RAB36: variants seen among roughly 807,000 people sequenced by gnomAD.
The protein encoded by RAB36 is ras-related protein Rab-36.
Under a neutral mutation model 39.3 loss-of-function variants are expected in RAB36, and 33 were observed. The observed-to-expected ratio is 0.84, with a 90% CI of 0.64 to 1.12. The LOEUF (loss-of-function observed/expected upper bound fraction) is 1.12, where lower values mean the gene tolerates loss of function less well. Among genes scored for constraint, RAB36 ranks in the 50% most tolerant of loss-of-function variants. RAB36 has a pLI of 0.00. For missense variants in RAB36, 308 were observed against 355.3 expected, an observed-to-expected ratio of 0.87 and a Z score of 1.07; for synonymous variants, 133 against 140.2, an observed-to-expected ratio of 0.95 and a Z score of 0.36.
chr22:23,161,382 T>G (rs10775764), intron 10 of RAB36, 118 bp from the exon 11 acceptor site: 1 of 967,390 alleles, frequency 1.0e-6, no homozygotes, highest in Non-Finnish European at 1.6e-6. Flanking sequence ...ATTCAGGCCT[T>G]GAACAGCAGG....
chr22:23,161,124 C>T (rs1382435810), intron 10 of RAB36, 126 bp downstream of exon 10: 2 of 1,229,814 alleles, frequency 1.6e-6, no homozygotes, highest in Non-Finnish European at 2.2e-6. Flanking sequence ...TCCTTTGACC[C>T]TCCTCTCAGG....
intron 5 of RAB36, among the ~76,000 whole-genome samples, chr22:23,155,746 C>G (rs554176548): frequency 1.3e-5 from 2 of 152,232 alleles, no homozygotes; most frequent in Admixed American, 1.3e-4. Context: ...CCACACACCC[C>G]CATCCACTAG....
downstream of RAB36, among the ~76,000 whole-genome samples, chr22:23,165,885 G>A (rs1006233995): frequency 6.6e-5 from 10 of 152,150 alleles, no homozygotes; most frequent in South Asian, 2.1e-4. Context: ...AGTGGCTCAT[G>A]CCTGTAATCC....
downstream of RAB36, among the ~76,000 whole-genome samples, chr22:23,165,933 T>G (rs1196462032): frequency 6.6e-6 from 1 of 151,814 alleles, no homozygotes; most frequent in Non-Finnish European, 1.5e-5. Flanking sequence ...GATCACGAGG[T>G]CAGGAGATAG....
At position 23,152,442 on chromosome 22, in the gene RAB36, A is replaced by G. The variant is rs763931999; in HGVS notation, c.162-19A>G. 1.9e-6 allele frequency: 3 copies of G among 1,613,922 alleles called. No homozygotes were observed. The highest frequency in any genetic ancestry group is 2.7e-5 in the African/African-American group (2 of 74,916). On this transcript the variant is annotated intron_variant, in intron 3 of 10. Coordinates refer to ENST00000263116, the MANE Select transcript of RAB36 (RefSeq NM_004914.5). ...CCTGGAAGGCATGCCCGACGGCAACACGGCCATATTTCTCACAGGCTCAAA... is the reference window on the plus strand; with the variant it reads ...CCTGGAAGGCATGCCCGACGGCAACGCGGCCATATTTCTCACAGGCTCAAA...
At position 23,145,528 on chromosome 22, in the gene RAB36, C is replaced by A; in HGVS notation, c.-36C>A. On this transcript the variant is annotated 5_prime_UTR_variant, in exon 1 of 11. Transcript: ENST00000263116. ...CTCAGGCGGACCAGGCCGCGCGGAG[C>A]CCCAGCTTTCACAGCCATCGCTGGT... 1 of 1,603,130 alleles carries A rather than the reference C, an allele frequency of 6.2e-7. No homozygotes were observed. Among genetic ancestry groups the A allele is most frequent in the Non-Finnish European group, 8.5e-7 (1 of 1,179,354 alleles).
chr22:23,161,473 G>A (rs563726120), intron 10 of RAB36, 27 bp from the exon 11 acceptor site: 77 of 1,579,842 alleles, frequency 4.9e-5, no homozygotes, highest in South Asian at 2.0e-4. Context: ...CCTGGTTGAT[G>A]CTAAATTACT....
chr22:23,150,303 T>TA, intron 3 of RAB36, 149 bp downstream of exon 3: 3 of 599,908 alleles, frequency 5.0e-6, no homozygotes, highest in Non-Finnish European at 5.7e-6. Context: ...CTTTTTTTTT[T>TA]CTTTTTTTTT....
Position 23,164,221 on chromosome 22 carries a change from T to G in RAB36, c.*2657T>G, listed in dbSNP as rs892052264. 3.9e-5 allele frequency: 6 copies of G among 152,338 alleles called. No individual in the cohort carries two copies. The highest frequency in any genetic ancestry group is 2.1e-4 in the South Asian group (1 of 4,834). The allele number at this position is 152,338 out of a possible 1,614,324, so 9.4% of individuals were successfully genotyped here. A position where few individuals can be genotyped will look rare whatever the true frequency, so the allele number is the denominator to read the frequency against. On this transcript the variant is annotated 3_prime_UTR_variant, in exon 11 of 11. Transcript: ENST00000263116. ...CTCCCTTCCCTTGCCCCTTCGGGCC[T>G]CCAGGATATGTTTGCGGGGGTGGGT...
downstream of RAB36, among the ~76,000 whole-genome samples, chr22:23,165,949 A>C (rs2072039625): frequency 6.6e-6 from 1 of 152,252 alleles, no homozygotes; most frequent in Middle Eastern, 3.4e-3. Context: ...GATAGAGACC[A>C]TCCTGGCTAA....
At chr22:23,166,949 T>C (rs1412792776), downstream of RAB36, among the ~76,000 whole-genome samples, 1 of 152,106 alleles carries the variant, frequency 6.6e-6, no homozygotes, top group Non-Finnish European at 1.5e-5. Flanking sequence ...CCGTATGCAG[T>C]GAGGTGCTCT....
chr22:23,167,701 T>A (rs1015572153), downstream of RAB36, among the ~76,000 whole-genome samples: 14 of 151,028 alleles, frequency 9.3e-5, no homozygotes, highest in South Asian at 2.1e-4. Flanking sequence ...ACTCTTTTTT[T>A]AATTAATTTA....
intron 9 of RAB36, among the ~76,000 whole-genome samples, 189 bp downstream of exon 9, chr22:23,159,442 G>A (rs1011294108): frequency 7.2e-5 from 11 of 152,228 alleles, no homozygotes; most frequent in African/African-American, 1.7e-4. Context: ...GAGGAGCTGC[G>A]TCATCTCTAG....
chr22:23,163,033 T>A lies in RAB36; in HGVS notation c.*1469T>A. On this transcript the variant is annotated 3_prime_UTR_variant, in exon 11 of 11. Coordinates refer to ENST00000263116, the MANE Select transcript of RAB36 (RefSeq NM_004914.5). ...TTGAAGCGATTCTCCTGCCTCAGCCTCCCAAGTAGCTGGGATTACAGGCAT... is the reference window on the plus strand; with the variant it reads ...TTGAAGCGATTCTCCTGCCTCAGCCACCCAAGTAGCTGGGATTACAGGCAT... The A allele has an allele frequency of 3.5e-6, 1 of 288,042 alleles. No individual in the cohort carries two copies. The highest frequency in any genetic ancestry group is 6.8e-6 in the Non-Finnish European group (1 of 147,094). 17.8% of individuals were successfully genotyped at this position (288,042 alleles called of 1,614,324 possible).
In RAB36 at chr22:23,158,056, T is replaced by G. The variant is rs567495697; in HGVS notation, c.446+13T>G. 1.3e-5 allele frequency: 21 copies of G among 1,614,006 alleles called. No individual in the cohort carries two copies. The highest frequency in any genetic ancestry group is 1.7e-5 in the Admixed American group (1 of 60,016). On this transcript the variant is annotated intron_variant, in intron 7 of 10. Coordinates refer to ENST00000263116, the MANE Select transcript of RAB36 (RefSeq NM_004914.5). ...TGGAGCATACCAGGTAAGTCTGGGC[T>G]CTCTGGCCCCTGCAGTCTCCCTGGG...
At chr22:23,156,713 A>C (rs2071473057) in intron 6 of RAB36, among the ~76,000 whole-genome samples, 1 of 152,238 alleles carries the variant, frequency 6.6e-6, no homozygotes, top group Non-Finnish European at 1.5e-5. Context: ...TTAGACTTAA[A>C]AGAAGCAAAA....
intron 1 of RAB36, chr22:23,146,149 G>A: frequency 5.3e-6 from 2 of 378,518 alleles, no homozygotes; most frequent in Non-Finnish European, 7.3e-6. Context: ...CCTGCTGTAT[G>A]CAGATTGAGA....
At chr22:23,146,422 G>A (rs1174584967) in intron 1 of RAB36, among the ~76,000 whole-genome samples, 183 bp from the exon 2 acceptor site, 1 of 151,540 alleles carries the variant, frequency 6.6e-6, no homozygotes, top group Non-Finnish European at 1.5e-5. Flanking sequence ...TTGTTGCCCA[G>A]GCTGGTCTCA....
chr22:23,158,727 G>A (rs1601939765), intron 7 of RAB36, among the ~76,000 whole-genome samples, 171 bp from the exon 8 acceptor site: 1 of 152,176 alleles, frequency 6.6e-6, no homozygotes, highest in Non-Finnish European at 1.5e-5. Flanking sequence ...TCCAGCCAAC[G>A]CCCTTCCGGC....
Sources: allele counts gnomAD v4.1 joint callset (sites outside exome capture counted in the v4.1 genomes callset), GRCh38; gene constraint gnomAD v4.1.1; transcripts MANE v1.5; gene names NCBI Gene and HGNC (gene_info 2026-07-23, HGNC 2026-07-21).